EFCAB6: variants seen among roughly 807,000 people sequenced by gnomAD.
EFCAB6 encodes EF-hand calcium binding domain 6.
Under a neutral mutation model 169.8 loss-of-function variants are expected in EFCAB6, and 156 were observed. The observed-to-expected ratio is 0.92, with a 90% CI of 0.81 to 1.05. EFCAB6 has a LOEUF of 1.05. Among genes scored for constraint, EFCAB6 ranks in the 50% least tolerant of loss-of-function variants. The probability of loss-of-function intolerance (pLI) is 0.00; values close to 1 mark genes in which losing one functional copy is unlikely to be tolerated. For synonymous variants in EFCAB6, 698 were observed against 676.4 expected (o/e 1.03, Z -0.50); for missense variants, 1,800 against 1,829.1 (o/e 0.98, Z 0.29).
chr22:43,687,452 T>TG lies in EFCAB6; in HGVS notation c.1142+18_1142+19insC, dbSNP rs778387734. On this transcript the variant is annotated intron_variant, in intron 11 of 31. Coordinates refer to ENST00000262726, the MANE Select transcript of EFCAB6 (RefSeq NM_022785.4). ...GATATGTGTAACTAAAATTTGTTTT[T>TG]TTTTTTTTTTTTACATACCTATTTC... 76 of 1,369,558 alleles carry TG rather than the reference T, an allele frequency of 5.5e-5. No individual in the cohort carries two copies. The highest frequency in any genetic ancestry group is 4.3e-4 in the South Asian group (30 of 70,372). The allele number at this position is 1,369,558 out of a possible 1,614,324, so 84.8% of individuals were successfully genotyped here. A position where few individuals can be genotyped will look rare whatever the true frequency, so the allele number is the denominator to read the frequency against.
At chr22:43,734,736 A>C (rs1364629161) in intron 7 of EFCAB6, among the ~76,000 whole-genome samples, 1 of 149,760 alleles carries the variant, frequency 6.7e-6, no homozygotes, top group Non-Finnish European at 1.5e-5. Flanking sequence ...TTATAAAGAG[A>C]AAAAAAAAAG....
chr22:43,773,028 C>T lies in EFCAB6; in HGVS notation c.215G>A (p.Gly72Glu), dbSNP rs368817014. ...CTGAAAGGCTTTTTGCAACTCATCCCCTCTGTCGGTAATTTTTTGAAATAA... is the reference window on the plus strand; with the variant it reads ...CTGAAAGGCTTTTTGCAACTCATCCTCTCTGTCGGTAATTTTTTGAAATAA... The part of the protein sequence containing the change: ...RILFQKITDR[G>E]DELQKAFQLL... Residue 72 changes from glycine to glutamate, a missense_variant, in exon 4 of 32, where the codon GGG (glycine) becomes GAG (glutamate). Coordinates refer to ENST00000262726, the MANE Select transcript of EFCAB6 (RefSeq NM_022785.4). 1.9e-6 allele frequency: 3 copies of T among 1,614,160 alleles called. No individual in the cohort carries two copies. The highest frequency in any genetic ancestry group is 4.5e-5 in the East Asian group (2 of 44,894).
At chr22:43,729,238 C>A (rs2059849138) in intron 8 of EFCAB6, among the ~76,000 whole-genome samples, 2 of 152,198 alleles carry the variant, frequency 1.3e-5, no homozygotes, top group South Asian at 4.1e-4. Flanking sequence ...CTAGGTCCAA[C>A]CTCCAACACT....
chr22:43,661,142 A>G (rs2056980709), intron 17 of EFCAB6, among the ~76,000 whole-genome samples: 1 of 152,212 alleles, frequency 6.6e-6, no homozygotes, highest in East Asian at 1.9e-4. Context: ...TGGGAAGCCA[A>G]CACAGGAGGA....
At chr22:43,581,816 G>C (rs1403390470) in intron 24 of EFCAB6, among the ~76,000 whole-genome samples, 1 of 152,208 alleles carries the variant, frequency 6.6e-6, no homozygotes, top group Non-Finnish European at 1.5e-5. Flanking sequence ...GGGTCGGCTT[G>C]CATGATGGAG....
rs1224993374 is a variant in EFCAB6, at chr22:43,679,135, G to A, written c.1252-972C>T. ...TTTCAGCACCCCCAGAAGAAATCTCGTGCACATTTGCAGTCTCTCCCCATT... is the reference window on the plus strand; with the variant it reads ...TTTCAGCACCCCCAGAAGAAATCTCATGCACATTTGCAGTCTCTCCCCATT... On this transcript the variant is annotated intron_variant, in intron 12 of 31. Coordinates refer to ENST00000262726, the MANE Select transcript of EFCAB6 (RefSeq NM_022785.4). 3.3e-5 allele frequency among the ~76,000 whole-genome samples: 5 copies of A among 152,246 alleles called. No homozygotes were observed. The South Asian group carries it at 6.2e-4, about 19-fold the overall frequency.
At chr22:43,637,078 AG>A (rs2055461160) in intron 17 of EFCAB6, among the ~76,000 whole-genome samples, 1 of 152,150 alleles carries the variant, frequency 6.6e-6, no homozygotes. Flanking sequence ...GAGGCCACAT[AG>A]GCAAAATCCA....
chr22:43,538,933 T>TG (rs1313187143), intron 28 of EFCAB6, among the ~76,000 whole-genome samples: 1 of 152,200 alleles, frequency 6.6e-6, no homozygotes, highest in African/African-American at 2.4e-5. Flanking sequence ...AGGTGCCCAG[T>TG]GGCTCAAGGG....
At position 43,738,364 on chromosome 22, in the gene EFCAB6, TCA is replaced by T. The variant is rs1374666700; in HGVS notation, c.508-2373_508-2372del. Among the ~76,000 whole-genome samples the T allele has an allele frequency of 7.3e-5, 7 of 95,602 alleles. No individual in the cohort carries two copies. In the East Asian group the frequency reaches 2.6e-3, roughly 36 times the overall value. The allele number at this position is 95,602 out of a possible 152,430, so 62.7% of individuals were successfully genotyped here. On this transcript the variant is annotated intron_variant, in intron 6 of 31. Coordinates refer to ENST00000262726, the MANE Select transcript of EFCAB6 (RefSeq NM_022785.4). ...TGCATATACTCATTCACACCATCAA[TCA>T]CATACACATATATTCACACACACAT...
chr22:43,775,568 G>A (rs550885377), intron 3 of EFCAB6, among the ~76,000 whole-genome samples: 2 of 152,058 alleles, frequency 1.3e-5, no homozygotes, highest in African/African-American at 2.4e-5. Context: ...TCAGCCTCCC[G>A]AGTAGCTGTG....
At chr22:43,553,072 G>C (rs1342487639) in intron 27 of EFCAB6, 1 of 152,172 alleles carries the variant, frequency 6.6e-6, no homozygotes, top group Non-Finnish European at 1.5e-5. Flanking sequence ...ATGTCTTTAC[G>C]GCATGCATTC....
At chr22:43,658,904 C>T (rs2056875979) in intron 17 of EFCAB6, among the ~76,000 whole-genome samples, 1 of 152,220 alleles carries the variant, frequency 6.6e-6, no homozygotes, top group Admixed American at 6.5e-5. Flanking sequence ...CCCCAACACA[C>T]ACCAGCTGCC....
At chr22:43,564,960 A>C (rs1210984731) in intron 26 of EFCAB6, among the ~76,000 whole-genome samples, 1 of 152,128 alleles carries the variant, frequency 6.6e-6, no homozygotes, top group Non-Finnish European at 1.5e-5. Flanking sequence ...GGGGTCTGTC[A>C]CCTCTATGGC....
Position 43,794,665 on chromosome 22 carries a change from T to C in EFCAB6, c.-7-12340A>G, listed in dbSNP as rs139072006. 7.6e-3 allele frequency among the ~76,000 whole-genome samples: 1,157 copies of C among 152,274 alleles called. 15 individuals carry two copies. Among genetic ancestry groups the C allele is most frequent in the African/African-American group, 0.026 (1,094 of 41,546 alleles). On this transcript the variant is annotated intron_variant, in intron 2 of 31. Coordinates refer to ENST00000262726, the MANE Select transcript of EFCAB6 (RefSeq NM_022785.4). Reference sequence around the variant, plus strand: ...ATTCTGCAACCTACTCAAGAGAACATGTAGAAAATTAAAAGCAAGCCATCT... The same window carrying C: ...ATTCTGCAACCTACTCAAGAGAACACGTAGAAAATTAAAAGCAAGCCATCT...
chr22:43,581,085 G>A (rs2050691803), intron 24 of EFCAB6, among the ~76,000 whole-genome samples: 1 of 152,202 alleles, frequency 6.6e-6, no homozygotes, highest in Non-Finnish European at 1.5e-5. Flanking sequence ...TCTGACAGCG[G>A]CTCAAAGACA....
chr22:43,554,914 A>C lies in EFCAB6; in HGVS notation c.3603T>G (p.Phe1201Leu). 6.2e-7 allele frequency: 1 copy of C among 1,614,166 alleles called. No homozygotes were observed. The change falls in exon 27 of 32, where the codon TTT (phenylalanine) becomes TTG (leucine). Residue 1201 changes from phenylalanine to leucine, a missense_variant. Transcript: ENST00000262726. ...MKTNTISREE[F>L]RAICNRRVQI... ...GGACGCGGCGATTACAAATGGCCCT[A>C]AACTCCTCTCTGGAGATGGTGTTCG...
At chr22:43,665,954 A>G (rs888604653) in intron 17 of EFCAB6, among the ~76,000 whole-genome samples, 2 of 152,018 alleles carry the variant, frequency 1.3e-5, no homozygotes, top group African/African-American at 4.8e-5. Flanking sequence ...CACCTGGCTA[A>G]TTTTCGTATT....
At chr22:43,612,071 C>G (rs530478869) in intron 21 of EFCAB6, among the ~76,000 whole-genome samples, 1 of 152,174 alleles carries the variant, frequency 6.6e-6, no homozygotes. Context: ...AAGGATTCCC[C>G]TATTCAATAA....
chr22:43,568,899 C>A (rs1194873255), intron 26 of EFCAB6, among the ~76,000 whole-genome samples: 2 of 152,338 alleles, frequency 1.3e-5, no homozygotes, highest in Non-Finnish European at 1.5e-5. Flanking sequence ...CTGCCTGACA[C>A]AGCTGTGTTT....
Sources: allele counts gnomAD v4.1 joint callset (sites outside exome capture counted in the v4.1 genomes callset), GRCh38; gene constraint gnomAD v4.1.1; transcripts MANE v1.5; gene names NCBI Gene and HGNC (gene_info 2026-07-23, HGNC 2026-07-21).